SGCD: variants seen among roughly 807,000 people sequenced by gnomAD.
The protein encoded by SGCD is sarcoglycan delta.
In SGCD, 18 loss-of-function variants were observed where a neutral mutation model predicts 36.6. That is an observed-to-expected ratio of 0.49 (90% CI 0.34 to 0.73). The LOEUF is 0.73. Among genes scored for constraint, SGCD ranks in the 30% least tolerant of loss-of-function variants. The probability of loss-of-function intolerance (pLI) is 0.01; values close to 1 mark genes in which losing one functional copy is unlikely to be tolerated. For synonymous variants in SGCD, 133 were observed against 130.6 expected (o/e 1.02, Z -0.12); for missense variants, 387 against 346.7 (o/e 1.12, Z -0.92).
intron 3 of SGCD, among the ~76,000 whole-genome samples, chr5:156,158,209 G>A (rs1167303785): frequency 1.3e-5 from 2 of 151,452 alleles, no homozygotes; most frequent in Non-Finnish European, 2.9e-5. Flanking sequence ...ATAGGATAAG[G>A]GTTTCGAATT....
intron 3 of SGCD, among the ~76,000 whole-genome samples, chr5:156,402,659 T>G (rs1772215864): frequency 6.6e-6 from 1 of 152,220 alleles, no homozygotes; most frequent in South Asian, 2.1e-4. Flanking sequence ...TTGCATGTCT[T>G]GTTAACATCT....
chr5:156,753,118 A>C (rs994840954), intron 7 of SGCD, among the ~76,000 whole-genome samples: 5 of 152,076 alleles, frequency 3.3e-5, no homozygotes, highest in Non-Finnish European at 7.4e-5. Context: ...CTCTAGACTT[A>C]CTGAATCAGT....
intron 3 of SGCD, among the ~76,000 whole-genome samples, chr5:156,282,056 G>A (rs1427641370): frequency 3.9e-5 from 6 of 152,032 alleles, no homozygotes; most frequent in Non-Finnish European, 8.8e-5. Context: ...CTGTTCTCCA[G>A]TAGTTTTACC....
intron 1 of SGCD, among the ~76,000 whole-genome samples, chr5:155,883,178 A>G (rs1472660636): frequency 1.3e-5 from 2 of 152,208 alleles, no homozygotes; most frequent in African/African-American, 4.8e-5. Flanking sequence ...CTTTGGCTCA[A>G]GAGCATGTTA....
chr5:156,553,923 G>T (rs1758896340), intron 4 of SGCD, among the ~76,000 whole-genome samples: 1 of 152,120 alleles, frequency 6.6e-6, no homozygotes, highest in Non-Finnish European at 1.5e-5. Flanking sequence ...GAAGATTTGT[G>T]TACACATTTT....
chr5:156,291,664 A>G (rs1274663690), intron 3 of SGCD, among the ~76,000 whole-genome samples: 1 of 152,068 alleles, frequency 6.6e-6, no homozygotes, highest in Non-Finnish European at 1.5e-5. Flanking sequence ...GGGAGAAACT[A>G]GCTATTCTCA....
At chr5:156,477,458 C>A (rs187351764) in intron 3 of SGCD, among the ~76,000 whole-genome samples, 1 of 152,236 alleles carries the variant, frequency 6.6e-6, no homozygotes, top group African/African-American at 2.4e-5. Context: ...GAGTCACAAA[C>A]AATCTCATTT....
intron 1 of SGCD, among the ~76,000 whole-genome samples, chr5:156,073,594 C>T (rs1236408763): frequency 1.3e-5 from 2 of 152,094 alleles, no homozygotes; most frequent in South Asian, 2.1e-4. Context: ...CACACTATCT[C>T]ATAAGATCTC....
intron 3 of SGCD, among the ~76,000 whole-genome samples, chr5:156,236,943 C>T (rs1765181032): frequency 6.6e-6 from 1 of 151,858 alleles, no homozygotes; most frequent in African/African-American, 2.4e-5. Flanking sequence ...AAGTGATTCT[C>T]CTGCCTCAGC....
At chr5:156,464,407 A>G (rs1015624988) in intron 3 of SGCD, among the ~76,000 whole-genome samples, 1 of 151,920 alleles carries the variant, frequency 6.6e-6, no homozygotes, top group Non-Finnish European at 1.5e-5. Flanking sequence ...TATTTAATAG[A>G]GACAGGGTTT....
rs532368299 is a variant in SGCD at position 156,329,331 on chromosome 5, T to A, written c.-43-203T>A. On this transcript the variant is annotated intron_variant, in intron 1 of 8. Transcript: ENST00000337851. Reference sequence around the variant, plus strand: ...GCACTGATTTGTTGGACTGGAGGTGTGCAGATACTCAGTGGCCTTGGTGAA... The same window carrying A: ...GCACTGATTTGTTGGACTGGAGGTGAGCAGATACTCAGTGGCCTTGGTGAA... 3.9e-5 allele frequency among the ~76,000 whole-genome samples: 6 copies of A among 152,300 alleles called. No homozygotes were observed. In the South Asian group the frequency reaches 8.3e-4, roughly 21 times the overall value.
intron 1 of SGCD, among the ~76,000 whole-genome samples, chr5:156,004,225 A>G (rs1437470422): frequency 6.6e-6 from 1 of 152,210 alleles, no homozygotes; most frequent in Admixed American, 6.5e-5. Context: ...ACAAATATGT[A>G]TAATTCTTAA....
chr5:156,231,764 T>C (rs958745269), intron 3 of SGCD, among the ~76,000 whole-genome samples: 4 of 152,154 alleles, frequency 2.6e-5, no homozygotes, highest in East Asian at 3.9e-4. Context: ...GCTGTAGACT[T>C]CGTTTTCTTT....
chr5:156,273,770 G>A (rs781647558), intron 3 of SGCD, among the ~76,000 whole-genome samples: 1 of 152,122 alleles, frequency 6.6e-6, no homozygotes, highest in Non-Finnish European at 1.5e-5. Context: ...TTTATCACAC[G>A]ATCCTAGAAG....
intron 3 of SGCD, among the ~76,000 whole-genome samples, chr5:156,380,091 T>C (rs1464539762): frequency 6.6e-6 from 1 of 152,056 alleles, no homozygotes; most frequent in Non-Finnish European, 1.5e-5. Context: ...TTTCCTAGAG[T>C]TCTTGGTGGT....
chr5:156,365,278 GA>G (rs1278806891), intron 3 of SGCD, among the ~76,000 whole-genome samples: 1 of 152,152 alleles, frequency 6.6e-6, no homozygotes, highest in Non-Finnish European at 1.5e-5. Flanking sequence ...ACAGAATGAG[GA>G]ATTATCTATT....
chr5:156,759,689 G>A lies in SGCD; in HGVS notation c.*299G>A, dbSNP rs1757464608. On this transcript the variant is annotated 3_prime_UTR_variant, in exon 9 of 9. Transcript: ENST00000337851. ...TCCCATCCCCACCACCTGAGTGACA[G>A]AAATCTAAACACACATCCGTCCCAA... is the stretch of plus-strand genomic sequence containing the variant. 1 of 152,552 alleles carries A rather than the reference G, an allele frequency of 6.6e-6. No homozygotes were observed. The highest frequency in any genetic ancestry group is 1.5e-5 in the Non-Finnish European group (1 of 68,410). The allele number at this position is 152,552 out of a possible 1,614,324, so 9.4% of individuals were successfully genotyped here.
chr5:156,445,065 G>C (rs1753704630), intron 3 of SGCD, among the ~76,000 whole-genome samples: 1 of 152,178 alleles, frequency 6.6e-6, no homozygotes, highest in Non-Finnish European at 1.5e-5. Context: ...CCCGCAGACT[G>C]TAAACAGGAC....
At chr5:155,893,656 T>A (rs1756184744) in intron 1 of SGCD, among the ~76,000 whole-genome samples, 1 of 152,244 alleles carries the variant, frequency 6.6e-6, no homozygotes, top group African/African-American at 2.4e-5. Flanking sequence ...TCTTTAGTTT[T>A]CTTTATTAAT....
Sources: allele counts gnomAD v4.1 joint callset (sites outside exome capture counted in the v4.1 genomes callset), GRCh38; gene constraint gnomAD v4.1.1; transcripts MANE v1.5; gene names NCBI Gene and HGNC (gene_info 2026-07-23, HGNC 2026-07-21).